SYNDIG1: variants seen among roughly 807,000 people sequenced by gnomAD.
SYNDIG1 encodes the protein synapse differentiation inducing 1, also known as synapse differentiation-inducing gene protein 1.
SYNDIG1 carries 9 observed loss-of-function variants against 19.4 expected under a neutral mutation model. The observed-to-expected ratio is 0.46, with a 90% CI of 0.28 to 0.81. The LOEUF (loss-of-function observed/expected upper bound fraction) is 0.81, where lower values mean the gene tolerates loss of function less well. Ranked by LOEUF, SYNDIG1 falls within the 30% of genes least tolerant of loss-of-function variation. The pLI is 0.12. For missense variants in SYNDIG1, 311 were observed against 343.3 expected (o/e 0.91, Z 0.74); for synonymous variants, 141 against 145.9 (o/e 0.97, Z 0.24).
intron 1 of SYNDIG1, among the ~76,000 whole-genome samples, chr20:24,478,393 C>T (rs2055696604): frequency 1.3e-5 from 2 of 152,224 alleles, no homozygotes; most frequent in East Asian, 1.9e-4. Context: ...CTGTTTGACA[C>T]TTGGTGGAAT....
At chr20:24,507,904 G>C (rs2056636047) in intron 1 of SYNDIG1, among the ~76,000 whole-genome samples, 1 of 152,116 alleles carries the variant, frequency 6.6e-6, no homozygotes, top group Non-Finnish European at 1.5e-5. Flanking sequence ...GAGGTGCGCT[G>C]TTCCACAACC....
At chr20:24,591,633 G>C (rs906018483) in intron 3 of SYNDIG1, among the ~76,000 whole-genome samples, 1 of 152,102 alleles carries the variant, frequency 6.6e-6, no homozygotes, top group Non-Finnish European at 1.5e-5. Context: ...AAATACAGTG[G>C]GAAGGAGAAT....
chr20:24,640,856 G>A (rs565060255), intron 3 of SYNDIG1, among the ~76,000 whole-genome samples: 121 of 152,294 alleles, frequency 7.9e-4, no homozygotes, highest in Non-Finnish European at 1.4e-3. Flanking sequence ...CACCACCCAC[G>A]TGTCAGGGAG....
At chr20:24,629,211 T>C (rs943929778) in intron 3 of SYNDIG1, among the ~76,000 whole-genome samples, 1 of 152,216 alleles carries the variant, frequency 6.6e-6, no homozygotes, top group African/African-American at 2.4e-5. Context: ...CACACTCCTC[T>C]GTGACAGACG....
In SYNDIG1 at chr20:24,501,579, G is replaced by A. The variant is rs116112285; in HGVS notation, c.-79+31826G>A. Among the ~76,000 whole-genome samples, 977 of 152,320 alleles carry A rather than the reference G, an allele frequency of 6.4e-3. 11 individuals are homozygous for A. Among genetic ancestry groups the A allele is most frequent in the African/African-American group, 0.022 (921 of 41,564 alleles). ...CCACACCGGCTGGGTTCAGATTCCA[G>A]CCTTGCCACTTATTAGCTGTGTGAC... On this transcript the variant is annotated intron_variant, in intron 1 of 3. Transcript: ENST00000376862.
intron 3 of SYNDIG1, among the ~76,000 whole-genome samples, chr20:24,622,807 A>G (rs929163347): frequency 5.8e-4 from 88 of 152,236 alleles, no homozygotes; most frequent in African/African-American, 2.0e-3. Flanking sequence ...GGCCAAGAAT[A>G]TTCCAATATT....
chr20:24,519,241 C>A (rs576568514), intron 1 of SYNDIG1, among the ~76,000 whole-genome samples: 3 of 152,314 alleles, frequency 2.0e-5, no homozygotes, highest in Non-Finnish European at 4.4e-5. Flanking sequence ...GACCACGATA[C>A]TGTCCGTGAA....
chr20:24,589,794 G>C (rs1391312183), intron 3 of SYNDIG1, among the ~76,000 whole-genome samples: 1 of 152,200 alleles, frequency 6.6e-6, no homozygotes, highest in East Asian at 1.9e-4. Context: ...TGAATTTTAT[G>C]AATAGTACCA....
At chr20:24,561,707 C>T (rs1187428519) in intron 2 of SYNDIG1, among the ~76,000 whole-genome samples, 1 of 152,304 alleles carries the variant, frequency 6.6e-6, no homozygotes, top group Admixed American at 6.5e-5. Context: ...GTTTCCTGGG[C>T]ATGAGATCGG....
chr20:24,585,053 G>GC, intron 3 of SYNDIG1, 60 bp downstream of exon 3: 79 of 647,916 alleles, frequency 1.2e-4, no homozygotes, highest in Non-Finnish European at 1.8e-4. Context: ...GGGGGTGGGG[G>GC]CGGCAATCCC....
intron 3 of SYNDIG1, among the ~76,000 whole-genome samples, chr20:24,630,726 C>T (rs1600794917): frequency 6.6e-6 from 1 of 152,184 alleles, no homozygotes; most frequent in African/African-American, 2.4e-5. Context: ...GTCAGACCTT[C>T]GTCCACTGTC....
intron 1 of SYNDIG1, among the ~76,000 whole-genome samples, chr20:24,503,827 G>C (rs1194169944): frequency 6.6e-6 from 1 of 152,126 alleles, no homozygotes; most frequent in African/African-American, 2.4e-5. Flanking sequence ...TCTTCTGGCT[G>C]CTTCCCTGCC....
intron 1 of SYNDIG1, among the ~76,000 whole-genome samples, chr20:24,505,061 G>C (rs923093745): frequency 3.3e-5 from 5 of 152,184 alleles, no homozygotes; most frequent in African/African-American, 9.7e-5. Context: ...AAGGCCAGGT[G>C]AGCCGCGGCA....
intron 1 of SYNDIG1, among the ~76,000 whole-genome samples, chr20:24,518,096 A>G (rs2056925906): frequency 6.6e-6 from 1 of 151,866 alleles, no homozygotes; most frequent in Non-Finnish European, 1.5e-5. Context: ...TTTGAGGCTC[A>G]CTTTCATTGA....
chr20:24,624,312 T>C (rs1242084725), intron 3 of SYNDIG1, among the ~76,000 whole-genome samples: 1 of 151,770 alleles, frequency 6.6e-6, no homozygotes, highest in Non-Finnish European at 1.5e-5. Context: ...AAACCTACTT[T>C]AAATATAAAG....
chr20:24,636,389 CAG>C (rs1029768904), intron 3 of SYNDIG1, among the ~76,000 whole-genome samples: 12 of 152,228 alleles, frequency 7.9e-5, no homozygotes, highest in Admixed American at 4.6e-4. Flanking sequence ...CTCTCTCCTG[CAG>C]AGAGAGAGGG....
chr20:24,528,315 T>C (rs2057170171), intron 1 of SYNDIG1, among the ~76,000 whole-genome samples: 1 of 151,816 alleles, frequency 6.6e-6, no homozygotes, highest in African/African-American at 2.4e-5. Flanking sequence ...CTACATTCAC[T>C]GTGGGCCAGA....
At chr20:24,637,945 C>T (rs6083569) in intron 3 of SYNDIG1, among the ~76,000 whole-genome samples, 40,938 of 152,180 alleles carry the variant, frequency 0.27, 6,246 homozygotes, top group Middle Eastern at 0.37. Context: ...GAAACTGCTG[C>T]GACCTGGAGG....
chr20:24,554,698 C>T lies in SYNDIG1; in HGVS notation c.480+11121C>T, dbSNP rs1473980644. ...AAGCTTTTTGATGTGCTGCTGGATT[C>T]GGTTTGCCAGTATTTTATTGAGGAT... On this transcript the variant is annotated intron_variant, in intron 2 of 3. Transcript: ENST00000376862. Among the ~76,000 whole-genome samples the T allele has an allele frequency of 5.3e-5, 8 of 151,524 alleles. No homozygotes were observed. The East Asian group carries it at 1.2e-3, about 22-fold the overall frequency.
Sources: allele counts gnomAD v4.1 joint callset (sites outside exome capture counted in the v4.1 genomes callset), GRCh38; gene constraint gnomAD v4.1.1; transcripts MANE v1.5; gene names NCBI Gene and HGNC (gene_info 2026-07-23, HGNC 2026-07-21).